Variants in RYR2 observed in about 807,000 individuals in gnomAD.
The protein encoded by RYR2 is ryanodine receptor 2.
RYR2 carries 227 observed loss-of-function variants against 601.1 expected under a neutral mutation model. That is an observed-to-expected ratio of 0.38 (90% CI 0.34 to 0.42). The LOEUF (loss-of-function observed/expected upper bound fraction) is 0.42, where lower values mean the gene tolerates loss of function less well. Among genes scored for constraint, RYR2 ranks in the 10% least tolerant of loss-of-function variants. The probability of loss-of-function intolerance (pLI) is 1.00; values close to 1 mark genes in which losing one functional copy is unlikely to be tolerated. For synonymous variants in RYR2, 2,223 were observed against 2,175.1 expected, an observed-to-expected ratio of 1.02 and a Z score of -0.61; for missense variants, 4,646 against 6,156.5, an observed-to-expected ratio of 0.75 and a Z score of 8.21.
At chr1:237,452,675 C>A (rs1197953673) in intron 14 of RYR2, among the ~76,000 whole-genome samples, 2 of 150,250 alleles carry the variant, frequency 1.3e-5, no homozygotes, top group Non-Finnish European at 3.0e-5. Flanking sequence ...ATAGTTTAAT[C>A]TTTAAATTAC....
chr1:237,558,309 T>C (rs1671107476), intron 27 of RYR2, among the ~76,000 whole-genome samples: 2 of 152,220 alleles, frequency 1.3e-5, no homozygotes, highest in Admixed American at 1.3e-4. Flanking sequence ...TTTATTTTCC[T>C]AAGGAGTAGA....
chr1:237,466,694 C>T (rs925586307), intron 16 of RYR2, among the ~76,000 whole-genome samples: 59 of 151,728 alleles, frequency 3.9e-4, no homozygotes, highest in African/African-American at 9.0e-4. Flanking sequence ...TTTCAAAAGA[C>T]GTATTTACCA....
chr1:237,501,416 C>T (rs1328601334), intron 21 of RYR2, among the ~76,000 whole-genome samples: 1 of 152,032 alleles, frequency 6.6e-6, no homozygotes, highest in Non-Finnish European at 1.5e-5. Context: ...TGCCCATGGT[C>T]AATGGTGCCA....
chr1:237,740,334 T>C (rs989398953), intron 79 of RYR2, among the ~76,000 whole-genome samples: 1 of 152,236 alleles, frequency 6.6e-6, no homozygotes, highest in African/African-American at 2.4e-5. Context: ...AGATACAGTC[T>C]GTACACCAAG....
At position 237,454,447 on chromosome 1, in the gene RYR2, A is replaced by T. The variant is rs1658560440; in HGVS notation, c.1349A>T (p.Glu450Val). The T allele has an allele frequency of 6.2e-7, 1 of 1,613,474 alleles. No individual in the cohort carries two copies. Among genetic ancestry groups the T allele is most frequent in the Non-Finnish European group, 8.5e-7 (1 of 1,179,668 alleles). The change falls in exon 15 of 105, where the codon GAG becomes GTG. Residue 450 changes from glutamate to valine, a missense_variant. By Grantham distance (121) the Glu-to-Val change is moderately radical. Coordinates refer to ENST00000366574, the MANE Select transcript of RYR2 (RefSeq NM_001035.3). ...GCTTCCACAGTCGATTTGCCTATAG[A>T]GTCCGTAAGCCTAAGTCTGCAGGAT... Reference protein sequence around the residue: ...AKASTVDLPIESVSLSLQDLI... With the variant: ...AKASTVDLPIVSVSLSLQDLI...
At chr1:237,517,341 C>T (rs938758113) in intron 24 of RYR2, among the ~76,000 whole-genome samples, 3 of 152,060 alleles carry the variant, frequency 2.0e-5, no homozygotes, top group African/African-American at 7.2e-5. Flanking sequence ...TATAACTCAC[C>T]ACAATTTGTA....
intron 63 of RYR2, among the ~76,000 whole-genome samples, chr1:237,696,394 A>C (rs1002360753): frequency 6.6e-6 from 1 of 152,044 alleles, no homozygotes; most frequent in Non-Finnish European, 1.5e-5. Context: ...CTCTGCCTCC[A>C]AACACTGGAG....
At chr1:237,114,217 A>G (rs1933128) in intron 1 of RYR2, among the ~76,000 whole-genome samples, 14,517 of 152,250 alleles carry the variant, frequency 0.095, 1,139 homozygotes, top group African/African-American at 0.22. Context: ...CCAAGGACAC[A>G]CTTGGCCTGG....
At chr1:237,759,086 G>A (rs1232772809) in intron 82 of RYR2, among the ~76,000 whole-genome samples, 3 of 151,990 alleles carry the variant, frequency 2.0e-5, no homozygotes, top group South Asian at 2.1e-4. Flanking sequence ...AATGCTGTTC[G>A]GGGTTTTTTG....
intron 1 of RYR2, among the ~76,000 whole-genome samples, chr1:237,219,660 A>G (rs1683585133): frequency 6.6e-6 from 1 of 152,174 alleles, no homozygotes; most frequent in African/African-American, 2.4e-5. Context: ...AGAAAGGAAG[A>G]AGGAGGGAAA....
intron 40 of RYR2, among the ~76,000 whole-genome samples, chr1:237,627,554 G>C (rs533833597): frequency 6.6e-6 from 1 of 152,280 alleles, no homozygotes; most frequent in African/African-American, 2.4e-5. Flanking sequence ...TGATATAACT[G>C]TAGCTTATTT....
intron 2 of RYR2, among the ~76,000 whole-genome samples, chr1:237,329,914 T>C (rs16835142): frequency 0.14 from 21,386 of 152,078 alleles, 3,268 homozygotes; most frequent in African/African-American, 0.37. Flanking sequence ...AATACAGATA[T>C]ACACAGAACA....
intron 38 of RYR2, among the ~76,000 whole-genome samples, chr1:237,617,838 C>T (rs1203666837): frequency 6.6e-6 from 1 of 152,098 alleles, no homozygotes; most frequent in African/African-American, 2.4e-5. Context: ...AGAGGCTTTC[C>T]ATTTGTGCCT....
chr1:237,288,449 C>T (rs548457711), intron 2 of RYR2, among the ~76,000 whole-genome samples: 44 of 149,780 alleles, frequency 2.9e-4, no homozygotes, highest in African/African-American at 6.6e-4. Flanking sequence ...GGGCTAGGCA[C>T]GTTTGAGCTC....
At chr1:237,144,219 A>T (rs991529122) in intron 1 of RYR2, among the ~76,000 whole-genome samples, 1 of 152,318 alleles carries the variant, frequency 6.6e-6, no homozygotes, top group South Asian at 2.1e-4. Flanking sequence ...TGACCCTTTT[A>T]TATAGCCAAG....
At chr1:237,744,712 C>CTT (rs201416765) in intron 80 of RYR2, among the ~76,000 whole-genome samples, 93 of 96,458 alleles carry the variant, frequency 9.6e-4, no homozygotes, top group Non-Finnish European at 2.0e-3. Context: ...ACTTTGCCTT[C>CTT]TTTTTTTAAA....
chr1:237,268,682 A>G (rs1168312582), intron 1 of RYR2, among the ~76,000 whole-genome samples: 1 of 152,016 alleles, frequency 6.6e-6, no homozygotes, highest in Admixed American at 6.6e-5. Context: ...TCACACCTGT[A>G]ATCCCAGCAC....
At chr1:237,275,094 A>G (rs1010390922) in intron 2 of RYR2, among the ~76,000 whole-genome samples, 8 of 148,226 alleles carry the variant, frequency 5.4e-5, no homozygotes, top group East Asian at 3.9e-4. Flanking sequence ...ACATACACGC[A>G]CACACACACA....
At position 237,496,678 on chromosome 1, in the gene RYR2, G is replaced by A. The variant is rs926435910; in HGVS notation, c.2129G>A (p.Gly710Asp). Residue 710 changes from glycine (G) to aspartate (D), a missense_variant, in exon 20 of 105, where the codon GGC (glycine) becomes GAC (aspartate). By Grantham distance (94) the Gly-to-Asp change is moderately conservative. This residue lies in a region of RYR2 where 1,807 missense variants were observed against 2,088.1 expected (regional missense o/e 0.87). Coordinates refer to ENST00000366574, the MANE Select transcript of RYR2 (RefSeq NM_001035.3). ...GGATATTCTCCCTACCCTGGAGGGG[G>A]CGAAGAGTGGGGTGGAAATGGTGTT... ...TEGYSPYPGGGEEWGGNGVGD... is the reference protein window; with the variant it reads ...TEGYSPYPGGDEEWGGNGVGD... The A allele has an allele frequency of 1.2e-6, 2 of 1,613,972 alleles. No homozygotes were observed. Among genetic ancestry groups the A allele is most frequent in the Non-Finnish European group, 1.7e-6 (2 of 1,179,884 alleles).
Sources: allele counts gnomAD v4.1 joint callset (sites outside exome capture counted in the v4.1 genomes callset), GRCh38; gene constraint gnomAD v4.1.1; regional missense constraint gnomAD v4.1.1; transcripts MANE v1.5; gene names NCBI Gene and HGNC (gene_info 2026-07-23, HGNC 2026-07-21).